Variants in APBA2 observed in about 807,000 individuals in gnomAD.
APBA2 encodes amyloid beta precursor protein binding family A member 2.
A neutral mutation model predicts 75.0 loss-of-function variants in APBA2; 30 were observed. That is an observed-to-expected ratio of 0.40 (90% CI 0.30 to 0.54). APBA2 has a LOEUF of 0.54. APBA2 is among the 20% of genes least tolerant of loss of function. The pLI is 0.49. For synonymous variants in APBA2, 444 were observed against 409.6 expected (o/e 1.08, Z -1.01); for missense variants, 801 against 1,016.1 (o/e 0.79, Z 2.88).
intron 1 of APBA2, among the ~76,000 whole-genome samples, chr15:28,892,267 G>A (rs1180452739): frequency 6.6e-6 from 1 of 151,998 alleles, no homozygotes; most frequent in Non-Finnish European, 1.5e-5. Context: ...AGTAGAGACG[G>A]GGTTTCACTG....
intron 1 of APBA2, among the ~76,000 whole-genome samples, chr15:28,919,921 G>A (rs1397316066): frequency 7.2e-5 from 11 of 152,164 alleles, no homozygotes; most frequent in Non-Finnish European, 1.5e-4. Context: ...GTGGCAGCTT[G>A]CTTCCTCTGT....
chr15:28,911,792 C>A (rs1236593884), intron 1 of APBA2, among the ~76,000 whole-genome samples: 1 of 152,118 alleles, frequency 6.6e-6, no homozygotes, highest in South Asian at 2.1e-4. Context: ...AGTTTCAGTG[C>A]AGATTATAGG....
At chr15:28,975,351 C>T (rs1396348087) in intron 2 of APBA2, among the ~76,000 whole-genome samples, 1 of 152,104 alleles carries the variant, frequency 6.6e-6, no homozygotes, top group Non-Finnish European at 1.5e-5. Context: ...AATGAGAAAA[C>T]CACACACCAA....
intron 2 of APBA2, among the ~76,000 whole-genome samples, chr15:28,940,999 G>C (rs956621754): frequency 4.6e-5 from 7 of 152,294 alleles, no homozygotes; most frequent in Middle Eastern, 3.4e-3. Context: ...ATCACAGTAG[G>C]TTGAAATGTA....
intron 6 of APBA2, among the ~76,000 whole-genome samples, chr15:29,091,395 C>T (rs1024664882): frequency 2.0e-5 from 3 of 152,088 alleles, no homozygotes; most frequent in Admixed American, 6.5e-5. Context: ...TGAGCACCAA[C>T]GCGAAGCTCC....
intron 1 of APBA2, among the ~76,000 whole-genome samples, chr15:28,899,694 T>G (rs2032732353): frequency 6.6e-6 from 1 of 152,194 alleles, no homozygotes; most frequent in Non-Finnish European, 1.5e-5. Flanking sequence ...GGTCATGGCA[T>G]TCCTGCAAGC....
intron 14 of APBA2, among the ~76,000 whole-genome samples, chr15:29,114,780 G>A (rs111207238): frequency 4.5e-5 from 4 of 89,272 alleles, no homozygotes; most frequent in Admixed American, 2.4e-4. Context: ...CTGAGTGTGC[G>A]TGTGGAGGAG....
intron 2 of APBA2, among the ~76,000 whole-genome samples, chr15:28,977,709 A>G (rs138130338): frequency 9.7e-4 from 147 of 152,182 alleles, no homozygotes; most frequent in African/African-American, 3.2e-3. Flanking sequence ...CACCCTCCCA[A>G]TGTGTACATG....
At chr15:28,924,278 ACATTAGC>A (rs903517550) in intron 2 of APBA2, among the ~76,000 whole-genome samples, 1 of 152,140 alleles carries the variant, frequency 6.6e-6, no homozygotes, top group Non-Finnish European at 1.5e-5. Flanking sequence ...AATTCATATA[ACATTAGC>A]CATTAACCAG....
At chr15:29,075,024 G>A in intron 5 of APBA2, 23 bp downstream of exon 5, 2 of 1,570,446 alleles carry the variant, frequency 1.3e-6, no homozygotes, top group Non-Finnish European at 1.7e-6. Context: ...AAGGATGAGA[G>A]TTCTGGGCTG....
chr15:29,098,426 T>C, intron 8 of APBA2, 64 bp from the exon 9 acceptor site: 1 of 1,109,356 alleles, frequency 9.0e-7, no homozygotes. Flanking sequence ...GTCATAATGC[T>C]ATTTGCATGT....
Position 29,105,281 on chromosome 15 carries a change from G to A in APBA2, c.1525-98G>A, listed in dbSNP as rs529769943. The A allele has an allele frequency of 2.4e-4, 305 of 1,264,772 alleles. 2 individuals are homozygous for A. The African/African-American group carries it at 4.1e-3, about 17-fold the overall frequency. 78.3% of individuals were successfully genotyped at this position (1,264,772 alleles called of 1,614,324 possible). On this transcript the variant is annotated intron_variant, in intron 10 of 14. Transcript: ENST00000683413. ...CAAGGGCTCCCTTGAAGGCTTATGG[G>A]TGCATCCTGCACCCAGCCCTGCCGC...
At chr15:28,909,920 T>A (rs1489630361) in intron 1 of APBA2, among the ~76,000 whole-genome samples, 1 of 152,202 alleles carries the variant, frequency 6.6e-6, no homozygotes, top group Non-Finnish European at 1.5e-5. Flanking sequence ...TCTGCGTGAC[T>A]GCAGTAGCTG....
At chr15:29,010,876 A>C (rs1393671276) in intron 3 of APBA2, among the ~76,000 whole-genome samples, 1 of 152,236 alleles carries the variant, frequency 6.6e-6, no homozygotes, top group African/African-American at 2.4e-5. Context: ...ACACAGCATA[A>C]AATTTACCAT....
At chr15:29,096,024 A>T (rs1002372939) in intron 8 of APBA2, among the ~76,000 whole-genome samples, 3 of 152,156 alleles carry the variant, frequency 2.0e-5, no homozygotes, top group African/African-American at 7.2e-5. Flanking sequence ...GTACAGGCAG[A>T]CCCAGCTCAA....
intron 1 of APBA2, among the ~76,000 whole-genome samples, chr15:28,888,621 G>A (rs1317789101): frequency 2.0e-5 from 3 of 152,334 alleles, no homozygotes; most frequent in Admixed American, 6.5e-5. Flanking sequence ...GAGGACTGGC[G>A]GTCGGTGGGG....
At chr15:28,965,276 G>T (rs2036681901) in intron 2 of APBA2, among the ~76,000 whole-genome samples, 1 of 152,000 alleles carries the variant, frequency 6.6e-6, no homozygotes, top group Admixed American at 6.6e-5. Context: ...CAAATCAGTT[G>T]GGCATATTTG....
intron 2 of APBA2, among the ~76,000 whole-genome samples, chr15:28,957,600 G>A (rs922104450): frequency 6.6e-5 from 10 of 152,184 alleles, no homozygotes; most frequent in Non-Finnish European, 1.2e-4. Flanking sequence ...CCTGATGGGA[G>A]TGGGGTAGCA....
At chr15:29,105,300 C>T (rs2044337114) in intron 10 of APBA2, 79 bp from the exon 11 acceptor site, 22 of 1,460,588 alleles carry the variant, frequency 1.5e-5, no homozygotes, top group Non-Finnish European at 2.0e-5. Flanking sequence ...GCACCCAGCC[C>T]TGCCGCAGCC....
Sources: allele counts gnomAD v4.1 joint callset (sites outside exome capture counted in the v4.1 genomes callset), GRCh38; gene constraint gnomAD v4.1.1; transcripts MANE v1.5; gene names NCBI Gene and HGNC (gene_info 2026-07-23, HGNC 2026-07-21).